The following MAPDA variants were observed in gnomAD, a reference collection of about 807,000 sequenced individuals.
MAPDA encodes N6,N6-dimethyl-AMP deaminase.
chr15:43,340,371 AGC>A, the MAPDA span: 1 of 1,595,870 alleles, frequency 6.3e-7, no homozygotes, highest in Non-Finnish European at 8.6e-7. Flanking sequence ...TATACTTCTC[AGC>A]AAATGTACTG....
At chr15:43,350,143 G>T in the MAPDA span, among the ~76,000 whole-genome samples, 12 of 152,044 alleles carry the variant, frequency 7.9e-5, no homozygotes, top group Non-Finnish European at 1.6e-4. Context: ...ATAGCTCACT[G>T]CAAGCTCCAC....
the MAPDA span, chr15:43,330,361 C>T: frequency 1.9e-6 from 3 of 1,604,416 alleles, no homozygotes; most frequent in Non-Finnish European, 8.5e-7. Flanking sequence ...GCGCCGCGCC[C>T]GGAACCAGCA....
the MAPDA span, among the ~76,000 whole-genome samples, chr15:43,348,359 A>T: frequency 6.6e-6 from 1 of 152,170 alleles, no homozygotes; most frequent in African/African-American, 2.4e-5. Flanking sequence ...AAAATCCCTT[A>T]TATTTTTAAC....
the MAPDA span, chr15:43,340,237 A>T: frequency 1.3e-6 from 2 of 1,597,148 alleles, no homozygotes; most frequent in Non-Finnish European, 1.7e-6. Context: ...AACATTATCA[A>T]TATTGTGTAC....
the MAPDA span, among the ~76,000 whole-genome samples, chr15:43,347,483 A>G: frequency 6.6e-6 from 1 of 152,206 alleles, no homozygotes; most frequent in African/African-American, 2.4e-5. Context: ...CACTGGCAGT[A>G]AAGGAAGCAG....
the MAPDA span, chr15:43,351,362 G>A: frequency 3.0e-6 from 1 of 330,656 alleles, no homozygotes; most frequent in East Asian, 6.2e-5. Flanking sequence ...GGACATGAGA[G>A]GCTACAGAGG....
At chr15:43,342,207 C>T in the MAPDA span, among the ~76,000 whole-genome samples, 42,287 of 151,528 alleles carry the variant, frequency 0.28, 9,733 homozygotes, top group African/African-American at 0.63. Context: ...TTTTATAATC[C>T]GGGTAAAAGG....
chr15:43,352,032 T>TAA, the MAPDA span: 1 of 1,353,370 alleles, frequency 7.4e-7, no homozygotes, highest in Non-Finnish European at 9.9e-7. Context: ...ACCACTCCTT[T>TAA]GAAGCATAGC....
chr15:43,346,986 T>TG, the MAPDA span: 1 of 1,577,294 alleles, frequency 6.3e-7, no homozygotes, highest in Non-Finnish European at 8.7e-7. Flanking sequence ...AGAATTCTCA[T>TG]GCATCCTTAT....
the MAPDA span, among the ~76,000 whole-genome samples, chr15:43,337,399 C>G: frequency 6.6e-6 from 1 of 151,776 alleles, no homozygotes; most frequent in African/African-American, 2.4e-5. Context: ...GGAAGAAGTT[C>G]AAGAAGAGCT....
the MAPDA span, among the ~76,000 whole-genome samples, chr15:43,343,314 C>T: frequency 6.6e-6 from 1 of 152,194 alleles, no homozygotes; most frequent in Non-Finnish European, 1.5e-5. Flanking sequence ...TGCCATTAAG[C>T]TAAAATGAAC....
chr15:43,334,637 A>T, the MAPDA span, among the ~76,000 whole-genome samples: 8 of 49,316 alleles, frequency 1.6e-4, no homozygotes, highest in Non-Finnish European at 2.1e-4. Context: ...AAAAAATTAT[A>T]TATATATATA....
the MAPDA span, among the ~76,000 whole-genome samples, chr15:43,340,853 T>C: frequency 1.3e-5 from 2 of 152,240 alleles, no homozygotes; most frequent in South Asian, 2.1e-4. Context: ...TATGTTTGCA[T>C]TGTTACAAGC....
At chr15:43,341,592 G>T in the MAPDA span, among the ~76,000 whole-genome samples, 2 of 151,854 alleles carry the variant, frequency 1.3e-5, no homozygotes, top group East Asian at 3.9e-4. Flanking sequence ...TAATTCCAGC[G>T]CTTTGGGAGG....
chr15:43,348,966 G>T, the MAPDA span: 94 of 1,614,000 alleles, frequency 5.8e-5, no homozygotes, highest in Non-Finnish European at 7.7e-5. Flanking sequence ...ACAGAATCGG[G>T]CATGGAACAT....
At chr15:43,335,446 A>G in the MAPDA span, among the ~76,000 whole-genome samples, 1 of 152,206 alleles carries the variant, frequency 6.6e-6, no homozygotes, top group Non-Finnish European at 1.5e-5. Flanking sequence ...AGGCAGGAGA[A>G]TCGCTTGAAC....
the MAPDA span, chr15:43,348,979 C>G: frequency 1.9e-6 from 3 of 1,614,074 alleles, no homozygotes; most frequent in Admixed American, 1.7e-5. Flanking sequence ...TGGAACATTT[C>G]TCAACTCCGG....
chr15:43,349,385 T>C, the MAPDA span: 1 of 907,606 alleles, frequency 1.1e-6, no homozygotes, highest in Non-Finnish European at 1.4e-6. Context: ...TGTAACATTA[T>C]TTAAAAATTA....
the MAPDA span, among the ~76,000 whole-genome samples, chr15:43,344,763 G>A: frequency 6.8e-6 from 1 of 146,526 alleles, no homozygotes; most frequent in African/African-American, 2.6e-5. Flanking sequence ...CTGAGATCGT[G>A]CCATTTCACT....
Sources: allele counts gnomAD v4.1 joint callset (sites outside exome capture counted in the v4.1 genomes callset), GRCh38; gene constraint gnomAD v4.1.1; transcripts MANE v1.5; gene names NCBI Gene and HGNC (gene_info 2026-07-23, HGNC 2026-07-21).